DNAH11: variants seen among roughly 807,000 people sequenced by gnomAD.
The protein encoded by DNAH11 is axonemal beta dynein heavy chain 11.
In DNAH11, 442 loss-of-function variants were observed where a neutral mutation model predicts 526.0. The observed-to-expected ratio is 0.84, with a 90% CI of 0.78 to 0.91. The LOEUF is 0.91. Ranked by LOEUF, DNAH11 falls within the 40% of genes least tolerant of loss-of-function variation. The probability of loss-of-function intolerance (pLI) is 0.00; values close to 1 mark genes in which losing one functional copy is unlikely to be tolerated. For synonymous variants in DNAH11, 2,461 were observed against 1,935.9 expected (o/e 1.27, Z -7.12); for missense variants, 6,989 against 5,448.7 (o/e 1.28, Z -8.90).
At chr7:21,780,714 AT>A (rs1787905264) in intron 57 of DNAH11, among the ~76,000 whole-genome samples, 1 of 152,200 alleles carries the variant, frequency 6.6e-6, no homozygotes, top group Admixed American at 6.5e-5. Flanking sequence ...GGGACATACT[AT>A]TTTTTATGTT....
At position 21,773,902 on chromosome 7, in the gene DNAH11, T is replaced by C; in HGVS notation, c.9239T>C (p.Leu3080Pro). ...AAGAGTTTTCTAGAACAAATATCAC[T>C]GTTTAAGAACCTGTTGAAGAAGAAG... ...TPKSFLEQIS[L>P]FKNLLKKKQN... Residue 3080 changes from leucine to proline, a missense_variant, in exon 56 of 82, where the codon CTG (leucine) becomes CCG (proline). Transcript: ENST00000409508. 1 of 1,603,126 alleles carries C rather than the reference T, an allele frequency of 6.2e-7. No individual in the cohort carries two copies. The highest frequency in any genetic ancestry group is 8.5e-7 in the Non-Finnish European group (1 of 1,174,612).
chr7:21,889,120 G>A (rs1009355390), intron 76 of DNAH11, among the ~76,000 whole-genome samples: 4 of 151,226 alleles, frequency 2.6e-5, no homozygotes, highest in Non-Finnish European at 5.9e-5. Flanking sequence ...TGTCTCTATA[G>A]ATTTGCATGT....
intron 65 of DNAH11, among the ~76,000 whole-genome samples, chr7:21,836,346 A>G (rs1437057417): frequency 6.6e-6 from 1 of 152,166 alleles, no homozygotes; most frequent in East Asian, 1.9e-4. Flanking sequence ...CCTGACTTCA[A>G]AGTATACTAC....
At chr7:21,610,054 A>C (rs577503661) in intron 20 of DNAH11, among the ~76,000 whole-genome samples, 2 of 152,166 alleles carry the variant, frequency 1.3e-5, no homozygotes, top group Admixed American at 1.3e-4. Flanking sequence ...GGAGATGGAG[A>C]CCATCCTGGC....
intron 58 of DNAH11, among the ~76,000 whole-genome samples, chr7:21,784,990 A>G (rs752565598): frequency 1.6e-4 from 25 of 152,278 alleles, no homozygotes; most frequent in Non-Finnish European, 2.8e-4. Flanking sequence ...GGTCCCCACC[A>G]TTTCTTCGAG....
At chr7:21,638,840 A>G in intron 27 of DNAH11, 99 bp from the exon 28 acceptor site, 1 of 1,386,196 alleles carries the variant, frequency 7.2e-7, no homozygotes, top group East Asian at 2.3e-5. Context: ...CAGTGAGTTT[A>G]CTATAATGAA....
At chr7:21,754,501 G>T (rs1284248628) in intron 54 of DNAH11, among the ~76,000 whole-genome samples, 2 of 151,626 alleles carry the variant, frequency 1.3e-5, no homozygotes, top group East Asian at 1.9e-4. Context: ...CCTTTTTATG[G>T]TCTCATTTTT....
At chr7:21,786,462 A>AGTT (rs899113563) in intron 58 of DNAH11, among the ~76,000 whole-genome samples, 162 bp from the exon 59 acceptor site, 11 of 152,176 alleles carry the variant, frequency 7.2e-5, no homozygotes, top group Admixed American at 2.0e-4. Context: ...AACCTCCTGG[A>AGTT]GTTCCAAGGT....
intron 71 of DNAH11, 73 bp downstream of exon 71, chr7:21,866,736 ATC>A: frequency 6.9e-7 from 1 of 1,446,898 alleles, no homozygotes; most frequent in Non-Finnish European, 9.2e-7. Context: ...AGTTAGGAGG[ATC>A]TGGTGGAAGT....
chr7:21,774,099 C>A, intron 56 of DNAH11, 100 bp downstream of exon 56: 2 of 1,107,358 alleles, frequency 1.8e-6, no homozygotes, highest in South Asian at 1.7e-5. Context: ...TATAAGATGC[C>A]AGCTGGTGAA....
intron 55 of DNAH11, 32 bp downstream of exon 55, chr7:21,765,621 C>CAT: frequency 1.5e-6 from 1 of 684,832 alleles, no homozygotes; most frequent in South Asian, 2.9e-5. Context: ...CACACACACA[C>CAT]ACACACACAC....
In DNAH11 at chr7:21,817,282, T is replaced by C. The variant is rs75439601; in HGVS notation, c.10568+580T>C. On this transcript the variant is annotated intron_variant, in intron 64 of 81. Coordinates refer to ENST00000409508, the MANE Select transcript of DNAH11 (RefSeq NM_001277115.2). ...GTCTTGTATGCAGTTGCTATTCAGT[T>C]AATGTTGAATAAATTATTTTAGAAC... 8.2e-3 allele frequency among the ~76,000 whole-genome samples: 1,250 copies of C among 152,290 alleles called. 21 individuals carry two copies. The highest frequency in any genetic ancestry group is 0.028 in the African/African-American group (1,177 of 41,558).
intron 74 of DNAH11, among the ~76,000 whole-genome samples, chr7:21,875,877 C>CTTTTTTTTT (rs35349937): frequency 1.3e-5 from 1 of 78,938 alleles, no homozygotes. Flanking sequence ...AAGAATATTT[C>CTTTTTTTTT]TTTTTTTTTT....
At chr7:21,866,984 C>G (rs891514419) in intron 71 of DNAH11, among the ~76,000 whole-genome samples, 1 of 152,160 alleles carries the variant, frequency 6.6e-6, no homozygotes, top group African/African-American at 2.4e-5. Context: ...CATGCATTAT[C>G]CAAGTGTAAT....
In DNAH11 at chr7:21,561,284, A is replaced by G. The variant is rs4374884; in HGVS notation, c.982+114A>G. On this transcript the variant is annotated intron_variant, in intron 5 of 81. Coordinates refer to ENST00000409508, the MANE Select transcript of DNAH11 (RefSeq NM_001277115.2). ...CGCCATGTTTGTGGAGTGATTGCTC[A>G]TGGCTCTTCTAATGATAAATTCATC... The G allele has an allele frequency of 0.26, 190,136 of 724,042 alleles. 27,237 individuals are homozygous for G. The highest frequency in any genetic ancestry group is 0.54 in the East Asian group (19,776 of 36,786). 44.9% of individuals were successfully genotyped at this position (724,042 alleles called of 1,614,324 possible).
chr7:21,545,655 TTC>T (rs2128425738), intron 2 of DNAH11, among the ~76,000 whole-genome samples: 1 of 152,344 alleles, frequency 6.6e-6, no homozygotes, highest in South Asian at 2.1e-4. Context: ...TTCTTAAACT[TTC>T]TTTTTCTCCT....
chr7:21,719,183 C>T (rs1784782075), intron 43 of DNAH11, among the ~76,000 whole-genome samples: 1 of 151,998 alleles, frequency 6.6e-6, no homozygotes, highest in African/African-American at 2.4e-5. Flanking sequence ...ATTTTTAGCT[C>T]CTTTTAAGCT....
At position 21,705,539 on chromosome 7, in the gene DNAH11, T is replaced by C. The variant is rs748950751; in HGVS notation, c.6546+2T>C. The C allele has an allele frequency of 6.2e-7, 1 of 1,613,066 alleles. No individual in the cohort carries two copies. The highest frequency in any genetic ancestry group is 8.5e-7 in the Non-Finnish European group (1 of 1,179,402). ...AATGCAGGCACAGGAAAGAGTAAGG[T>C]ATAGTAAATTGCCTAATAGCTTACA... is the stretch of plus-strand genomic sequence containing the variant. On this transcript the variant is annotated splice_donor_variant, in intron 39 of 81. Coordinates refer to ENST00000409508, the MANE Select transcript of DNAH11 (RefSeq NM_001277115.2). LOFTEE classifies it high-confidence loss of function.
At chr7:21,743,544 C>G (rs575751842) in intron 49 of DNAH11, among the ~76,000 whole-genome samples, 92 of 152,226 alleles carry the variant, frequency 6.0e-4, no homozygotes, top group Non-Finnish European at 6.9e-4. Context: ...TCCATAGGAC[C>G]TCTTTATATT....
Sources: gnomAD v4.1 joint callset for allele counts (sites outside exome capture counted in the v4.1 genomes callset) on GRCh38, gnomAD v4.1.1 for gene constraint, MANE v1.5 for transcripts, NCBI Gene and HGNC (gene_info 2026-07-23, HGNC 2026-07-21) for gene names.